Variants in PRKDC observed in about 807,000 individuals in gnomAD.
PRKDC encodes DNA-dependent protein kinase catalytic subunit.
A neutral mutation model predicts 486.9 loss-of-function variants in PRKDC; 82 were observed. That is an observed-to-expected ratio of 0.17 (90% CI 0.14 to 0.20). PRKDC has a LOEUF of 0.20. Ranked by LOEUF, PRKDC falls within the 10% of genes least tolerant of loss-of-function variation. The probability of loss-of-function intolerance (pLI) is 1.00; values close to 1 mark genes in which losing one functional copy is unlikely to be tolerated. For missense variants in PRKDC, 4,504 were observed against 5,038.2 expected (o/e 0.89, Z 3.21); for synonymous variants, 1,895 against 1,837.0 (o/e 1.03, Z -0.81).
At chr8:47,944,413 T>C (rs1418357804) in intron 7 of PRKDC, among the ~76,000 whole-genome samples, 2 of 149,480 alleles carry the variant, frequency 1.3e-5, no homozygotes, top group Non-Finnish European at 3.0e-5. Flanking sequence ...AACTTACTCA[T>C]GGCCAAACAT....
chr8:47,860,830 CT>C, intron 45 of PRKDC, 68 bp downstream of exon 45: 1 of 1,243,834 alleles, frequency 8.0e-7, no homozygotes, highest in Non-Finnish European at 1.1e-6. Context: ...CTCTATTTGT[CT>C]TAGAACAAAA....
Position 47,902,690 on chromosome 8 carries a change from C to G in PRKDC, c.3148G>C (p.Glu1050Gln), listed in dbSNP as rs1352810131. The G allele has an allele frequency of 6.2e-7, 1 of 1,613,936 alleles. No homozygotes were observed. The highest frequency in any genetic ancestry group is 8.5e-7 in the Non-Finnish European group (1 of 1,179,848). ...GATTTGGTGTTTACTGGACTCTTCTCCTGCTGCTGTGGTGTTATTTGCTTA... is the reference window on the plus strand; with the variant it reads ...GATTTGGTGTTTACTGGACTCTTCTGCTGCTGCTGTGGTGTTATTTGCTTA... ...SIKQITPQQQ[E>Q]KSPVNTKSLF... Residue 1050 changes from glutamate to glutamine, a missense_variant, in exon 27 of 86, where the codon GAG becomes CAG. Glu to Gln is a conservative substitution (Grantham distance 29). Transcript: ENST00000314191.
At position 47,782,635 on chromosome 8, in the gene PRKDC, AGCC is replaced by A; in HGVS notation, c.11176-40_11176-38del. The A allele has an allele frequency of 6.5e-7, 1 of 1,542,336 alleles. No individual in the cohort carries two copies. The highest frequency in any genetic ancestry group is 1.2e-5 in the South Asian group (1 of 83,956). ...AGAATGTCATCTCAGGGCACAGGCT[AGCC>A]ACGTGTCAAACTCAGAGGGAAAAGC... On this transcript the variant is annotated intron_variant, in intron 78 of 85. Coordinates refer to ENST00000314191, the MANE Select transcript of PRKDC (RefSeq NM_006904.7). The surrounding 1 kb of genome is among the most constrained non-coding windows in gnomAD (Gnocchi z 4.9).
At chr8:47,866,606 T>C (rs1363389107) in intron 40 of PRKDC, among the ~76,000 whole-genome samples, 4 of 152,198 alleles carry the variant, frequency 2.6e-5, no homozygotes, top group Non-Finnish European at 5.9e-5. Flanking sequence ...CTGACTTTAC[T>C]CATAATAAAA....
Position 47,794,282 on chromosome 8 carries a change from T to C in PRKDC, c.10670+8A>G, listed in dbSNP as rs368023491. The C allele has an allele frequency of 4.8e-5, 77 of 1,601,196 alleles. No individual in the cohort carries two copies. Among genetic ancestry groups the C allele is most frequent in the South Asian group, 2.8e-4 (25 of 89,948 alleles). On this transcript the variant is annotated splice_region_variant and intron_variant, in intron 74 of 85. Coordinates refer to ENST00000314191, the MANE Select transcript of PRKDC (RefSeq NM_006904.7). ...TGATCAACCTATTCCTTCTGTAATA[T>C]TACCTACCTTGCCACAAACTCCTTA...
intron 54 of PRKDC, among the ~76,000 whole-genome samples, chr8:47,841,531 C>T (rs1040899014): frequency 6.6e-6 from 1 of 152,236 alleles, no homozygotes; most frequent in Non-Finnish European, 1.5e-5. Flanking sequence ...AACCCCAGCA[C>T]AGTGCTTGAT....
intron 69 of PRKDC, 82 bp downstream of exon 69, chr8:47,807,053 ACT>A (rs2087227323): frequency 7.4e-7 from 1 of 1,360,344 alleles, no homozygotes; most frequent in East Asian, 2.5e-5. Flanking sequence ...TAAGGTTCAG[ACT>A]CTAAAGAAAA....
intron 7 of PRKDC, among the ~76,000 whole-genome samples, chr8:47,952,410 C>T (rs532076934): frequency 1.6e-4 from 24 of 152,278 alleles, no homozygotes; most frequent in Admixed American, 8.5e-4. Context: ...TTTGAAATGA[C>T]GAAACCACAG....
intron 22 of PRKDC, among the ~76,000 whole-genome samples, chr8:47,916,083 T>C (rs1170488982): frequency 6.6e-6 from 1 of 152,174 alleles, no homozygotes; most frequent in Non-Finnish European, 1.5e-5. Flanking sequence ...TGTGCAGATA[T>C]TCCAAATGTT....
Position 47,782,783 on chromosome 8 carries a change from G to A in PRKDC, c.11176-185C>T, listed in dbSNP as rs2086720542. ...CTTGTGCCTGACTGCTGTGCCCGCA[G>A]AAATGTTGTATTCCTGATTATAAAT... On this transcript the variant is annotated intron_variant, in intron 78 of 85. Coordinates refer to ENST00000314191, the MANE Select transcript of PRKDC (RefSeq NM_006904.7). This position sits in a 1 kb window ranked among gnomAD's most constrained non-coding sequence, Gnocchi z 4.9. The A allele has an allele frequency of 1.6e-5, 10 of 613,894 alleles. No individual in the cohort carries two copies. Among genetic ancestry groups the A allele is most frequent in the East Asian group, 2.8e-5 (1 of 36,186 alleles). 38.0% of individuals were successfully genotyped at this position (613,894 alleles called of 1,614,324 possible). A position where few individuals can be genotyped will look rare whatever the true frequency, so the allele number is the denominator to read the frequency against.
At chr8:47,799,762 GCCCCACAACTGAGGTGA>G (rs2087059766) in intron 71 of PRKDC, among the ~76,000 whole-genome samples, 1 of 152,118 alleles carries the variant, frequency 6.6e-6, no homozygotes, top group African/African-American at 2.4e-5. Flanking sequence ...AGAAGACAAG[GCCCCACAACTGAGGTGA>G]GGCAGGACAT....
chr8:47,857,438 G>T, intron 48 of PRKDC, 139 bp from the exon 49 acceptor site: 1 of 892,864 alleles, frequency 1.1e-6, no homozygotes, highest in Non-Finnish European at 1.6e-6. Flanking sequence ...GCACGTTAAA[G>T]TGAAGGCATT....
At chr8:47,946,316 C>CA (rs530286562) in intron 7 of PRKDC, among the ~76,000 whole-genome samples, 30 of 150,562 alleles carry the variant, frequency 2.0e-4, no homozygotes, top group East Asian at 2.0e-4. Flanking sequence ...GACTCTGCCT[C>CA]AAAAAAAAAC....
At chr8:47,925,172 C>A (rs576526617) in intron 21 of PRKDC, among the ~76,000 whole-genome samples, 5 of 152,298 alleles carry the variant, frequency 3.3e-5, no homozygotes, top group African/African-American at 1.2e-4. Flanking sequence ...ACTGATCACT[C>A]CAGAAAGTGG....
chr8:47,928,989 C>T, intron 19 of PRKDC, 103 bp downstream of exon 19: 1 of 978,666 alleles, frequency 1.0e-6, no homozygotes, highest in Admixed American at 2.3e-5. Context: ...CGCACCCAGC[C>T]CCAATTCTTA....
chr8:47,929,794 T>C, intron 18 of PRKDC, 59 bp downstream of exon 18: 1 of 1,461,294 alleles, frequency 6.8e-7, no homozygotes, highest in Non-Finnish European at 9.2e-7. Flanking sequence ...TATGATACAT[T>C]TATATATACT....
chr8:47,828,828 A>G (rs2087798099), intron 61 of PRKDC, among the ~76,000 whole-genome samples: 1 of 152,238 alleles, frequency 6.6e-6, no homozygotes. Flanking sequence ...CTTAAATAAA[A>G]TGCCAGTGTT....
intron 70 of PRKDC, among the ~76,000 whole-genome samples, chr8:47,801,269 G>A (rs186895805): frequency 6.6e-6 from 1 of 152,068 alleles, no homozygotes; most frequent in Admixed American, 6.5e-5. Flanking sequence ...ATGGGGTTTC[G>A]CCATGTTGCC....
intron 1 of PRKDC, among the ~76,000 whole-genome samples, chr8:47,959,693 T>A (rs565936697): frequency 2.6e-5 from 4 of 151,232 alleles, no homozygotes; most frequent in Admixed American, 1.3e-4. Context: ...AAAAAAAAAA[T>A]TATTTCTCTT....
Sources: allele counts gnomAD v4.1 joint callset (sites outside exome capture counted in the v4.1 genomes callset), GRCh38; gene constraint gnomAD v4.1.1; non-coding constraint Gnocchi (gnomAD v3.1); transcripts MANE v1.5; gene names NCBI Gene and HGNC (gene_info 2026-07-23, HGNC 2026-07-21).